ZNF804B: variants seen among roughly 807,000 people sequenced by gnomAD.
ZNF804B encodes zinc finger protein 804B.
ZNF804B carries 80 observed loss-of-function variants against 101.4 expected under a neutral mutation model. That is an observed-to-expected ratio of 0.79 (90% CI 0.66 to 0.95). The LOEUF (loss-of-function observed/expected upper bound fraction) is 0.95. Ranked by LOEUF, ZNF804B falls within the 40% of genes least tolerant of loss-of-function variation. The pLI, the probability that ZNF804B is intolerant of heterozygous loss-of-function variation, is 0.00. For synonymous variants in ZNF804B, 622 were observed against 558.8 expected, an observed-to-expected ratio of 1.11 and a Z score of -1.59; for missense variants, 1,673 against 1,561.9, an observed-to-expected ratio of 1.07 and a Z score of -1.20.
At chr7:89,099,185 T>C (rs1190189004) in intron 1 of ZNF804B, among the ~76,000 whole-genome samples, 1 of 151,900 alleles carries the variant, frequency 6.6e-6, no homozygotes, top group African/African-American at 2.4e-5. Context: ...GATGATTTCA[T>C]CCTTGAGGAC....
chr7:89,332,084 A>T (rs1236910652), intron 3 of ZNF804B, among the ~76,000 whole-genome samples: 2 of 151,484 alleles, frequency 1.3e-5, no homozygotes, highest in Non-Finnish European at 3.0e-5. Flanking sequence ...ACACTTTATA[A>T]GAAGGGAAAA....
At chr7:89,054,227 G>A (rs866614710) in intron 1 of ZNF804B, among the ~76,000 whole-genome samples, 1 of 149,922 alleles carries the variant, frequency 6.7e-6, no homozygotes, top group Admixed American at 6.7e-5. Context: ...ATTAATTGCT[G>A]TCTTATATGT....
intron 1 of ZNF804B, among the ~76,000 whole-genome samples, chr7:89,091,832 C>G (rs185013851): frequency 1.7e-4 from 26 of 152,226 alleles, no homozygotes; most frequent in African/African-American, 4.6e-4. Context: ...CTCTCCTTGT[C>G]TCCATCAACA....
At chr7:88,906,912 C>A (rs989408472) in intron 1 of ZNF804B, among the ~76,000 whole-genome samples, 7 of 152,098 alleles carry the variant, frequency 4.6e-5, no homozygotes, top group Admixed American at 4.6e-4. Context: ...AATCTGAGTG[C>A]TCTGATGTTG....
Position 89,336,874 on chromosome 7 carries a change from C to T in ZNF804B, c.3892C>T (p.Pro1298Ser). The change falls in exon 4 of 4, where the codon CCT (proline) becomes TCT (serine). Residue 1298 changes from proline (P) to serine (S), a missense_variant. Pro to Ser is a moderately conservative substitution (Grantham distance 74). Transcript: ENST00000333190. Reference sequence around the variant, plus strand: ...AGCATTTATTCCTACATTGTTTGGTCCTCACTTAAATCCAGCCACAACTTC... The same window carrying T: ...AGCATTTATTCCTACATTGTTTGGTTCTCACTTAAATCCAGCCACAACTTC... Reference protein sequence around the residue: ...PTAFIPTLFGPHLNPATTSII... With the variant: ...PTAFIPTLFGSHLNPATTSII... The T allele has an allele frequency of 6.2e-7, 1 of 1,614,090 alleles. No individual in the cohort carries two copies. The highest frequency in any genetic ancestry group is 1.7e-5 in the Admixed American group (1 of 59,992).
chr7:89,013,757 C>T (rs1459532605), intron 1 of ZNF804B, among the ~76,000 whole-genome samples: 1 of 152,068 alleles, frequency 6.6e-6, no homozygotes, highest in Non-Finnish European at 1.5e-5. Context: ...ACAAATCTCT[C>T]CCTTTCTCCT....
intron 1 of ZNF804B, among the ~76,000 whole-genome samples, chr7:89,200,936 T>C (rs1307573431): frequency 6.6e-6 from 1 of 152,000 alleles, no homozygotes; most frequent in African/African-American, 2.4e-5. Context: ...TTTCTTTCAC[T>C]TGGCATTCCT....
At chr7:88,766,079 C>T (rs1427649055) in intron 1 of ZNF804B, among the ~76,000 whole-genome samples, 2 of 151,964 alleles carry the variant, frequency 1.3e-5, no homozygotes, top group Non-Finnish European at 2.9e-5. Flanking sequence ...TGTGAGGATC[C>T]CTTGAAGCCA....
chr7:89,077,603 C>A (rs1309442106), intron 1 of ZNF804B, among the ~76,000 whole-genome samples: 3 of 152,038 alleles, frequency 2.0e-5, no homozygotes, highest in African/African-American at 7.2e-5. Context: ...TGCTCAAGTT[C>A]AAAAGATAAC....
At chr7:88,763,451 A>T (rs1277811059) in intron 1 of ZNF804B, among the ~76,000 whole-genome samples, 1 of 152,082 alleles carries the variant, frequency 6.6e-6, no homozygotes, top group African/African-American at 2.4e-5. Context: ...TTCTTTTTAG[A>T]GACTGTGTGT....
At chr7:88,856,198 G>T (rs1791554265) in intron 1 of ZNF804B, among the ~76,000 whole-genome samples, 1 of 152,150 alleles carries the variant, frequency 6.6e-6, no homozygotes, top group South Asian at 2.1e-4. Context: ...ACCTTGGGCA[G>T]CATGGCCATT....
chr7:88,772,238 C>T (rs192439756), intron 1 of ZNF804B, among the ~76,000 whole-genome samples: 2 of 152,264 alleles, frequency 1.3e-5, no homozygotes, highest in East Asian at 3.9e-4. Flanking sequence ...TGATGATTTG[C>T]TTTCCTGTCA....
intron 1 of ZNF804B, among the ~76,000 whole-genome samples, chr7:88,867,441 A>G (rs914153202): frequency 3.3e-5 from 5 of 152,224 alleles, no homozygotes; most frequent in Non-Finnish European, 7.3e-5. Flanking sequence ...AGGGTGTCCC[A>G]GATCCAAGAA....
chr7:88,837,952 G>GTATTATTGT (rs1791239940), intron 1 of ZNF804B, among the ~76,000 whole-genome samples: 1 of 151,360 alleles, frequency 6.6e-6, no homozygotes, highest in Admixed American at 6.6e-5. Flanking sequence ...TATAATACAT[G>GTATTATTGT]TATTATTGTT....
At chr7:88,946,426 C>T (rs915787851) in intron 1 of ZNF804B, among the ~76,000 whole-genome samples, 1 of 152,032 alleles carries the variant, frequency 6.6e-6, no homozygotes, top group African/African-American at 2.4e-5. Context: ...ACCAGCCTTG[C>T]ATCCCAGGGA....
chr7:89,172,969 T>C (rs117967560), intron 1 of ZNF804B, among the ~76,000 whole-genome samples: 3,033 of 152,246 alleles, frequency 0.02, 45 homozygotes, highest in Non-Finnish European at 0.026. Context: ...GAGTATAGTA[T>C]GTCTAGTGGT....
intron 2 of ZNF804B, among the ~76,000 whole-genome samples, chr7:89,236,527 C>G (rs1789283840): frequency 1.3e-5 from 2 of 152,048 alleles, no homozygotes; most frequent in African/African-American, 2.4e-5. Context: ...TTAGAACTTT[C>G]CAATTTATCT....
chr7:89,199,218 G>A (rs1192894452), intron 1 of ZNF804B, among the ~76,000 whole-genome samples: 2 of 151,732 alleles, frequency 1.3e-5, no homozygotes, highest in Non-Finnish European at 2.9e-5. Flanking sequence ...TACTTACATT[G>A]TTTGGGTGCC....
chr7:88,926,025 T>A (rs1013438525), intron 1 of ZNF804B, among the ~76,000 whole-genome samples: 5 of 152,002 alleles, frequency 3.3e-5, no homozygotes. Context: ...TAGAAAGAAA[T>A]GGATTTTCTA....
Sources: gnomAD v4.1 joint callset for allele counts (sites outside exome capture counted in the v4.1 genomes callset) on GRCh38, gnomAD v4.1.1 for gene constraint, MANE v1.5 for transcripts, NCBI Gene and HGNC (gene_info 2026-07-23, HGNC 2026-07-21) for gene names.